The following DMD variants were observed in gnomAD, a reference collection of about 807,000 sequenced individuals.
DMD encodes the protein dystrophin.
In DMD, 63 loss-of-function variants were observed where a neutral mutation model predicts 330.1. That is an observed-to-expected ratio of 0.19 (90% CI 0.16 to 0.24). The LOEUF (loss-of-function observed/expected upper bound fraction) is 0.24. Ranked by LOEUF, DMD falls within the 10% of genes least tolerant of loss-of-function variation. The probability of loss-of-function intolerance (pLI) is 1.00; values close to 1 mark genes in which losing one functional copy is unlikely to be tolerated. For synonymous variants in DMD, 1,223 were observed against 959.8 expected (o/e 1.27, Z -5.07); for missense variants, 3,344 against 2,684.1 (o/e 1.25, Z -5.43).
At chrX:31,171,025 A>T (rs932304775) in intron 73 of DMD, among the ~76,000 whole-genome samples, 1 of 112,234 alleles carries the variant, frequency 8.9e-6, no homozygotes, top group Non-Finnish European at 1.9e-5. Context: ...TGAATGTGCT[A>T]GAGCTTCTAA....
chrX:31,531,514 G>C (rs1385902460), intron 55 of DMD, among the ~76,000 whole-genome samples: 1 of 74,895 alleles, frequency 1.3e-5, no homozygotes, highest in Non-Finnish European at 2.4e-5. Context: ...CCCACTTTTT[G>C]ATGGGGTTGT....
chrX:31,801,087 T>A lies in DMD; in HGVS notation c.7309+18888A>T, dbSNP rs149420155. Among the ~76,000 whole-genome samples, 1,028 of 111,771 alleles carry A rather than the reference T, an allele frequency of 9.2e-3. 10 individuals carry two copies. Among genetic ancestry groups the A allele is most frequent in the Non-Finnish European group, 0.015 (773 of 53,195 alleles). On this transcript the variant is annotated intron_variant, in intron 50 of 78. Coordinates refer to ENST00000357033, the MANE Select transcript of DMD (RefSeq NM_004006.3). ...CCCACTCTCTGCAGTACCAATTTAC[T>A]GTATTAGTCCGTTCTCATGCTGCTA... is the stretch of plus-strand genomic sequence containing the variant.
intron 2 of DMD, among the ~76,000 whole-genome samples, chrX:32,929,673 A>C (rs1340956343): frequency 9.0e-6 from 1 of 111,164 alleles, no homozygotes; most frequent in Non-Finnish European, 1.9e-5. Flanking sequence ...TCAACCCGTC[A>C]TCTACATTAG....
chrX:33,191,998 C>G (rs2050675353), intron 1 of DMD, among the ~76,000 whole-genome samples: 1 of 111,848 alleles, frequency 8.9e-6, no homozygotes, highest in Admixed American at 9.5e-5. Context: ...GAGAAACAGA[C>G]CTGTAAACAG....
intron 44 of DMD, among the ~76,000 whole-genome samples, chrX:32,010,180 A>G (rs767023512): frequency 2.5e-4 from 28 of 111,993 alleles, no homozygotes; most frequent in Admixed American, 6.6e-4. Context: ...ATGGATAATG[A>G]ATGTTGTGCG....
At chrX:31,727,115 TTGAAG>T (rs1353727338) in intron 52 of DMD, among the ~76,000 whole-genome samples, 10 of 111,728 alleles carry the variant, frequency 9.0e-5, no homozygotes, top group Non-Finnish European at 1.9e-4. Flanking sequence ...AGGGAAAAAA[TTGAAG>T]TGATTTTTCA....
intron 55 of DMD, among the ~76,000 whole-genome samples, chrX:31,625,425 T>C (rs758679316): frequency 3.2e-4 from 36 of 111,704 alleles, no homozygotes; most frequent in African/African-American, 1.1e-3. Flanking sequence ...AAGTTATGTG[T>C]AATATGTGCC....
intron 5 of DMD, 136 bp downstream of exon 5, chrX:32,823,159 T>C: frequency 1.8e-5 from 9 of 511,545 alleles, no homozygotes; most frequent in Admixed American, 1.1e-4. Flanking sequence ...GACATGGTAG[T>C]GTCAATTTAA....
chrX:31,209,401 C>A lies in DMD; in HGVS notation c.9563+97G>T, dbSNP rs906260581. 4.7e-6 allele frequency: 4 copies of A among 859,237 alleles called. No individual in the cohort carries two copies. In the African/African-American group the frequency reaches 6.0e-5, roughly 13 times the overall value. The allele number at this position is 859,237 out of a possible 1,213,427, so 70.8% of individuals were successfully genotyped here. A position where few individuals can be genotyped will look rare whatever the true frequency, so the allele number is the denominator to read the frequency against. ...CACAGGAAGAGCATTAGGTCCACAG[C>A]TTCCAGGGCCCTGTTGTAATGCTAA... On this transcript the variant is annotated intron_variant, in intron 65 of 78. Coordinates refer to ENST00000357033, the MANE Select transcript of DMD (RefSeq NM_004006.3).
At chrX:32,877,168 C>A (rs745549760) in intron 2 of DMD, among the ~76,000 whole-genome samples, 1 of 111,930 alleles carries the variant, frequency 8.9e-6, no homozygotes, top group East Asian at 2.8e-4. Context: ...CATTACAAAA[C>A]TCACTTGACT....
intron 44 of DMD, among the ~76,000 whole-genome samples, chrX:32,156,202 A>T (rs2096829607): frequency 9.0e-6 from 1 of 111,368 alleles, no homozygotes; most frequent in Non-Finnish European, 1.9e-5. Flanking sequence ...CAACATGGTG[A>T]AAACCCGTCT....
At chrX:32,714,123 A>T (rs969389475) in intron 7 of DMD, among the ~76,000 whole-genome samples, 1 of 111,745 alleles carries the variant, frequency 8.9e-6, no homozygotes, top group Non-Finnish European at 1.9e-5. Flanking sequence ...TTGAAAAATC[A>T]TTAGTCAAAC....
At chrX:31,774,256 C>A (rs2090522989) in intron 50 of DMD, 64 bp from the exon 51 acceptor site, 5 of 786,233 alleles carry the variant, frequency 6.4e-6, no homozygotes, top group Non-Finnish European at 9.4e-6. Flanking sequence ...GAAACACAAG[C>A]TAAAGAGCCA....
At chrX:32,563,370 T>C (rs1255708418) in intron 16 of DMD, among the ~76,000 whole-genome samples, 3 of 97,513 alleles carry the variant, frequency 3.1e-5, no homozygotes, top group Non-Finnish European at 4.1e-5. Context: ...AAAAAGCAGA[T>C]AGAGAACCAC....
chrX:31,895,690 C>T (rs997325893), intron 47 of DMD, among the ~76,000 whole-genome samples: 3 of 111,374 alleles, frequency 2.7e-5, no homozygotes, highest in African/African-American at 6.5e-5. Context: ...AAGTCAAGCC[C>T]CAGTAATGGC....
At chrX:31,321,075 A>G (rs1479724772) in intron 62 of DMD, among the ~76,000 whole-genome samples, 2 of 111,674 alleles carry the variant, frequency 1.8e-5, no homozygotes, top group Admixed American at 1.9e-4. Context: ...AGCTAATTAA[A>G]CAGTGGAAAA....
chrX:32,333,156 ATG>A (rs1432729666), intron 41 of DMD, among the ~76,000 whole-genome samples: 1 of 111,625 alleles, frequency 9.0e-6, no homozygotes, highest in Non-Finnish European at 1.9e-5. Flanking sequence ...TACACGGTAA[ATG>A]TTTATTTAAG....
intron 7 of DMD, chrX:32,755,112 G>A (rs2071336574): frequency 9.0e-6 from 1 of 110,818 alleles, no homozygotes; most frequent in African/African-American, 3.3e-5. Flanking sequence ...TCACATTGCT[G>A]AAGAATTGCC....
intron 9 of DMD, among the ~76,000 whole-genome samples, chrX:32,675,162 G>C (rs745525190): frequency 9.0e-6 from 1 of 111,288 alleles, no homozygotes; most frequent in East Asian, 2.8e-4. Flanking sequence ...GAGTCATTTT[G>C]AATTGGTTTG....
Sources: gnomAD v4.1 joint callset for allele counts (sites outside exome capture counted in the v4.1 genomes callset) on GRCh38, gnomAD v4.1.1 for gene constraint, MANE v1.5 for transcripts, NCBI Gene and HGNC (gene_info 2026-07-23, HGNC 2026-07-21) for gene names.